The following RGL4 variants were observed in gnomAD, a reference collection of about 807,000 sequenced individuals.
The protein encoded by RGL4 is ral guanine nucleotide dissociation stimulator like 4.
A neutral mutation model predicts 49.6 loss-of-function variants in RGL4; 41 were observed. The ratio of observed to expected loss-of-function variants is 0.83; its 90% CI spans 0.64 to 1.07. The LOEUF (loss-of-function observed/expected upper bound fraction) is 1.07, where lower values mean the gene tolerates loss of function less well. RGL4 is among the 50% of genes least tolerant of loss of function. The pLI is 0.00. For synonymous variants in RGL4, 255 were observed against 238.0 expected, an observed-to-expected ratio of 1.07 and a Z score of -0.66; for missense variants, 610 against 591.9, an observed-to-expected ratio of 1.03 and a Z score of -0.32.
intron 5 of RGL4, 50 bp downstream of exon 5, chr22:23,694,500 C>CA: frequency 3.2e-6 from 4 of 1,261,498 alleles, no homozygotes; most frequent in Non-Finnish European, 4.6e-6. Flanking sequence ...TAGGGACTCA[C>CA]AGGTCTCCCC....
rs1455603628 is a variant in RGL4, at chr22:23,694,347, G to A, written c.913G>A (p.Glu305Lys). 6.2e-7 allele frequency: 1 copy of A among 1,612,086 alleles called. No homozygotes were observed. Among genetic ancestry groups the A allele is most frequent in the East Asian group, 2.2e-5 (1 of 44,854 alleles). The change falls in exon 5 of 11, where the codon GAG becomes AAG. Residue 305 changes from glutamate (E) to lysine (K), a missense_variant and splice_region_variant. Coordinates refer to ENST00000290691, the MANE Select transcript of RGL4 (RefSeq NM_153615.2). ...VVEHWIKVAR[E>K]CLSLNNFSSV... ...GCACAGCTCATTCTTCCCTCTCCAG[G>A]AGTGCCTAAGCCTCAACAACTTCTC...
In RGL4 at chr22:23,692,011, G is replaced by T; in HGVS notation, c.-20G>T. 1 of 1,610,610 alleles carries T rather than the reference G, an allele frequency of 6.2e-7. No individual in the cohort carries two copies. The highest frequency in any genetic ancestry group is 8.5e-7 in the Non-Finnish European group (1 of 1,177,518). On this transcript the variant is annotated 5_prime_UTR_variant, in exon 1 of 11. Transcript: ENST00000290691. ...TTCCCTCCTAACCCCAGGACCAGGGGACCCAGATCTGGAGCTTTGATGAGG... is the reference window on the plus strand; with the variant it reads ...TTCCCTCCTAACCCCAGGACCAGGGTACCCAGATCTGGAGCTTTGATGAGG...
At chr22:23,698,582 C>T (rs184206172) in intron 10 of RGL4, 1 of 720,022 alleles carries the variant, frequency 1.4e-6, no homozygotes. Context: ...TGTCCAGGAT[C>T]GTCTCAAACT....
intron 10 of RGL4, 151 bp downstream of exon 10, chr22:23,698,484 C>G: frequency 1.1e-6 from 1 of 908,842 alleles, no homozygotes; most frequent in South Asian, 1.4e-5. Flanking sequence ...CTTCCTCAGC[C>G]TCCCAAGCAG....
At chr22:23,698,557 G>A (rs1269557980) in intron 10 of RGL4, 1 of 720,936 alleles carries the variant, frequency 1.4e-6, no homozygotes, top group Admixed American at 2.0e-5. Context: ...TGGTACAGAT[G>A]GGGTTTCACG....
At chr22:23,695,194 G>T (rs1261061003) in intron 6 of RGL4, 175 bp downstream of exon 6, 3 of 554,426 alleles carry the variant, frequency 5.4e-6, no homozygotes, top group South Asian at 3.7e-5. Context: ...AGGAAGAGTG[G>T]TGTGTCGGTC....
rs556324801 is a variant in RGL4 at position 23,694,907 on chromosome 22, CCT to C, written c.1017-42_1017-41del. On this transcript the variant is annotated intron_variant, in intron 5 of 10. Transcript: ENST00000290691. ...AAGGGACTGGAACTCACAAATCTCC[CCT>C]GATTCCCAAATTTACCCTTCTTTCT... 1,525 of 1,497,230 alleles carry C rather than the reference CCT, an allele frequency of 1.0e-3. 9 individuals are homozygous for C. In the African/African-American group the frequency reaches 0.011, roughly 11 times the overall value. The allele number at this position is 1,497,230 out of a possible 1,614,324, so 92.7% of individuals were successfully genotyped here.
rs1261272975 is a variant in RGL4, at chr22:23,692,832, G to A, written c.537G>A (p.Gly179=). The part of the protein sequence containing the change: ...HSAPGPAPAP[G]EGPPPGTVLE... ...CACCAGGGCCAGCACCAGCACCAGGGGAAGGGCCCCCTCCAGGGACAGTGC... is the reference window on the plus strand; with the variant it reads ...CACCAGGGCCAGCACCAGCACCAGGAGAAGGGCCCCCTCCAGGGACAGTGC... Residue 179 remains glycine, a synonymous_variant, in exon 3 of 11, where the codon GGG becomes GGA. Coordinates refer to ENST00000290691, the MANE Select transcript of RGL4 (RefSeq NM_153615.2). The A allele has an allele frequency of 1.2e-6, 2 of 1,613,542 alleles. No homozygotes were observed. The highest frequency in any genetic ancestry group is 1.7e-6 in the Non-Finnish European group (2 of 1,180,006).
In RGL4 at chr22:23,693,939, GCC is replaced by G; in HGVS notation, c.878_879del (p.Ala293GlufsTer74). ...CCACAGCATGAGGGCCCGGGACAGGGCCAGGGTGGTGGAGCACTGGATCAAGG... is the reference window on the plus strand; with the variant it reads ...CCACAGCATGAGGGCCCGGGACAGGGAGGGTGGTGGAGCACTGGATCAAGG... ...GDHSMRARDR[A>X]RVVEHWIKVA... is the part of the protein sequence containing the mutation. On this transcript the variant is annotated frameshift_variant, in exon 4 of 11. Transcript: ENST00000290691. LOFTEE classifies it high-confidence loss of function. 1 of 1,613,714 alleles carries G rather than the reference GCC, an allele frequency of 6.2e-7. No individual in the cohort carries two copies. Among genetic ancestry groups the G allele is most frequent in the Non-Finnish European group, 8.5e-7 (1 of 1,180,028 alleles).
intron 8 of RGL4, 115 bp from the exon 9 acceptor site, chr22:23,697,723 T>C: frequency 8.6e-7 from 1 of 1,156,748 alleles, no homozygotes; most frequent in Non-Finnish European, 1.3e-6. Flanking sequence ...CCAAGTCCTG[T>C]CGTGTGCACA....
At position 23,696,635 on chromosome 22, in the gene RGL4, AC is replaced by A. The variant is rs778316213; in HGVS notation, c.1111del (p.Gln371ArgfsTer10). On this transcript the variant is annotated frameshift_variant, in exon 7 of 11. Transcript: ENST00000290691. LOFTEE classifies it high-confidence loss of function. ...GCAGGCGGGGAGCTTTAAGGTGGCC[AC>A]CCAGGAGAGGAACCCCCAGAGAGTC... ...LIKAGSFKVA[T>X]QERNPQRVQM... 6.2e-7 allele frequency: 1 copy of A among 1,613,770 alleles called. No homozygotes were observed. The highest frequency in any genetic ancestry group is 1.1e-5 in the South Asian group (1 of 91,074).
chr22:23,696,529 C>A, intron 6 of RGL4, 85 bp from the exon 7 acceptor site: 2 of 1,603,156 alleles, frequency 1.2e-6, no homozygotes, highest in Non-Finnish European at 1.7e-6. Context: ...CCCGCCACTC[C>A]CTGGGGATCC....
rs1221818064 is a variant in RGL4 at position 23,699,100 on chromosome 22, T to C, written c.*217T>C. 4 of 1,530,780 alleles carry C rather than the reference T, an allele frequency of 2.6e-6. No individual in the cohort carries two copies. The highest frequency in any genetic ancestry group is 3.5e-6 in the Non-Finnish European group (4 of 1,142,510). The allele number at this position is 1,530,780 out of a possible 1,614,324, so 94.8% of individuals were successfully genotyped here. On this transcript the variant is annotated 3_prime_UTR_variant, in exon 11 of 11. Coordinates refer to ENST00000290691, the MANE Select transcript of RGL4 (RefSeq NM_153615.2). ...GAGTCAGGCGGGAGACCATTTTATG[T>C]TTATTTTCTTTAGTGTATAAGTAAG...
At chr22:23,694,794 C>T (rs1035192721) in intron 5 of RGL4, 156 bp from the exon 6 acceptor site, 2 of 670,096 alleles carry the variant, frequency 3.0e-6, no homozygotes, top group East Asian at 2.5e-5. Context: ...TGAGAGGTCC[C>T]ACCCTGGTCC....
Position 23,692,758 on chromosome 22 carries a change from G to C in RGL4, c.463G>C (p.Glu155Gln). The C allele has an allele frequency of 6.2e-7, 1 of 1,613,468 alleles. No individual in the cohort carries two copies. Among genetic ancestry groups the C allele is most frequent in the Non-Finnish European group, 8.5e-7 (1 of 1,180,014 alleles). Residue 155 changes from glutamate to glutamine, a missense_variant, in exon 3 of 11, where the codon GAG becomes CAG. Glu to Gln is a conservative substitution (Grantham distance 29). Transcript: ENST00000290691. ...PLLADLGPAL[E>Q]PESPAALGPP... ...GCTGGCGGACCTGGGGCCTGCTCTG[G>C]AGCCAGAGTCACCTGCAGCCCTGGG...
intron 3 of RGL4, among the ~76,000 whole-genome samples, chr22:23,693,501 G>A (rs1923278694): frequency 6.6e-6 from 1 of 152,138 alleles, no homozygotes; most frequent in African/African-American, 2.4e-5. Context: ...CTTAGAGTGT[G>A]GATGGCCTGG....
intron 9 of RGL4, 109 bp from the exon 10 acceptor site, chr22:23,698,103 G>C: frequency 7.0e-7 from 1 of 1,429,010 alleles, no homozygotes; most frequent in Middle Eastern, 2.3e-4. Context: ...CGCTGCATGG[G>C]ACCCCTTCAG....
intron 10 of RGL4, 157 bp from the exon 11 acceptor site, chr22:23,698,687 G>A: frequency 2.0e-6 from 2 of 993,828 alleles, no homozygotes; most frequent in East Asian, 2.6e-5. Flanking sequence ...CTCTCCCGTG[G>A]CCAGCTGCAG....
At chr22:23,693,234 A>T (rs1923256696) in intron 3 of RGL4, 5 of 697,172 alleles carry the variant, frequency 7.2e-6, no homozygotes, top group Non-Finnish European at 9.1e-6. Context: ...ATGGACAGAA[A>T]GCAGGGCAGG....
Sources: allele counts gnomAD v4.1 joint callset (sites outside exome capture counted in the v4.1 genomes callset), GRCh38; gene constraint gnomAD v4.1.1; transcripts MANE v1.5; gene names NCBI Gene and HGNC (gene_info 2026-07-23, HGNC 2026-07-21).